The following POU5F1 variants were observed in gnomAD, a reference collection of about 807,000 sequenced individuals.
POU5F1 encodes POU domain, class 5, transcription factor 1.
A neutral mutation model predicts 38.3 loss-of-function variants in POU5F1; 6 were observed. That is an observed-to-expected ratio of 0.16 (90% confidence interval 0.09 to 0.31). The LOEUF (loss-of-function observed/expected upper bound fraction) is 0.31, where lower values mean the gene tolerates loss of function less well. POU5F1 is among the 10% of genes least tolerant of loss of function. The pLI is 1.00. For synonymous variants in POU5F1, 147 were observed against 194.9 expected, an observed-to-expected ratio of 0.75 and a Z score of 2.05; for missense variants, 286 against 462.6, an observed-to-expected ratio of 0.62 and a Z score of 3.50.
Position 31,170,662 on chromosome 6 carries a change from G to A in POU5F1, c.-42C>T. 1.3e-6 allele frequency: 2 copies of A among 1,518,556 alleles called. No homozygotes were observed. The highest frequency in any genetic ancestry group is 1.4e-5 in the African/African-American group (1 of 72,234). The allele number at this position is 1,518,556 out of a possible 1,614,324, so 94.1% of individuals were successfully genotyped here. ...CCAAGCCGGGGGCCTGGTGAAATGA[G>A]GGCTTGCGAAGGGACTACTCAACCC... On this transcript the variant is annotated 5_prime_UTR_variant, in exon 1 of 5. Coordinates refer to ENST00000259915, the MANE Select transcript of POU5F1 (RefSeq NM_002701.6).
intron 1 of POU5F1, chr6:31,166,729 T>G: frequency 8.5e-7 from 1 of 1,180,200 alleles, no homozygotes; most frequent in Non-Finnish European, 1.1e-6. Flanking sequence ...TCACCCCCAG[T>G]TTAAGGATGT....
chr6:31,170,226 T>A lies in POU5F1; in HGVS notation c.395A>T (p.Asn132Ile). 1.2e-6 allele frequency: 2 copies of A among 1,612,840 alleles called. No homozygotes were observed. Among genetic ancestry groups the A allele is most frequent in the Non-Finnish European group, 1.7e-6 (2 of 1,179,812 alleles). Residue 132 changes from asparagine to isoleucine, a missense_variant, in exon 1 of 5, where the codon AAC becomes ATC. Physicochemically the swap from Asn to Ile is moderately radical, Grantham distance 149 (BLOSUM62 -3). This residue lies in a region of POU5F1 where 176 missense variants were observed against 184.8 expected (regional missense o/e 0.95). Coordinates refer to ENST00000259915, the MANE Select transcript of POU5F1 (RefSeq NM_002701.6). ...VKLEKEKLEQ[N>I]PEESQDIKAL... is the part of the protein sequence containing the mutation. ...TCGAAGCTCACTTGCCTCCTCCGGG[T>A]TTTGCTCCAGCTTCTCCTTCTCCAG...
At chr6:31,169,457 TA>T (rs144131354) in intron 1 of POU5F1, among the ~76,000 whole-genome samples, 12,818 of 152,254 alleles carry the variant, frequency 0.084, 653 homozygotes, top group Middle Eastern at 0.16. Flanking sequence ...AGCAGCTCTA[TA>T]TTTGCAAATG....
chr6:31,169,976 C>G, intron 1 of POU5F1: 1 of 641,986 alleles, frequency 1.6e-6, no homozygotes, highest in East Asian at 2.8e-5. Flanking sequence ...TCCGACTCTC[C>G]CAGGCTGCTC....
rs1274145021 is a variant in POU5F1, at chr6:31,166,006, A to C, written c.447T>G (p.Phe149Leu). The C allele has an allele frequency of 1.2e-6, 2 of 1,614,212 alleles. No homozygotes were observed. Among genetic ancestry groups the C allele is most frequent in the East Asian group, 4.5e-5 (2 of 44,884 alleles). The change falls in exon 2 of 5, where the codon TTT (phenylalanine) becomes TTG (leucine). Residue 149 changes from phenylalanine (F) to leucine (L), a missense_variant. Physicochemically the swap from Phe to Leu is conservative, Grantham distance 22 (BLOSUM62 0). This residue lies in a region of POU5F1 where 110 missense variants were observed against 277.8 expected (regional missense o/e 0.40). Transcript: ENST00000259915. ...IKALQKELEQFAKLLKQKRIT... is the reference protein window; with the variant it reads ...IKALQKELEQLAKLLKQKRIT... The stretch of plus-strand genomic sequence containing the variant: ...TCCTCTTCTGCTTCAGGAGCTTGGC[A>C]AATTGCTCGAGTTCTTTCTGCAGAG...
At chr6:31,168,238 C>CTTTTT (rs9279006) in intron 1 of POU5F1, among the ~76,000 whole-genome samples, 3 of 123,004 alleles carry the variant, frequency 2.4e-5, no homozygotes, top group Non-Finnish European at 3.3e-5. Flanking sequence ...CTAGCCTCAC[C>CTTTTT]TTTTTTTTTT....
intron 1 of POU5F1, chr6:31,166,670 A>C: frequency 1.7e-6 from 2 of 1,166,708 alleles, no homozygotes; most frequent in Non-Finnish European, 2.1e-6. Context: ...AAGAAAAAAA[A>C]AAAAGAAGAT....
intron 1 of POU5F1, 86 bp downstream of exon 1, chr6:31,170,130 T>C: frequency 6.2e-7 from 1 of 1,605,622 alleles, no homozygotes; most frequent in Non-Finnish European, 8.5e-7. Flanking sequence ...GTGCCAGGTC[T>C]GGGCAGCTGC....
rs757494684 is a variant in POU5F1, at chr6:31,165,090, G to C, written c.816+38C>G. The C allele has an allele frequency of 1.0e-5, 16 of 1,595,074 alleles. No individual in the cohort carries two copies. Among genetic ancestry groups the C allele is most frequent in the African/African-American group, 4.0e-5 (3 of 74,348 alleles). On this transcript the variant is annotated intron_variant, in intron 4 of 4. Coordinates refer to ENST00000259915, the MANE Select transcript of POU5F1 (RefSeq NM_002701.6). This position sits in a 1 kb window ranked among gnomAD's most constrained non-coding sequence, Gnocchi z 6.5. ...CTAGGGAAAGCGAGGTGGTGACAGG[G>C]GAAAGAGATGGAGCCCGCAGAGAGA...
rs1175266459 is a variant in POU5F1 at position 31,165,115 on chromosome 6, A to T, written c.816+13T>A. Reference sequence around the variant, plus strand: ...GGAAAGAGATGGAGCCCGCAGAGAGACATGGCACTCACATCCTTCTCGAGC... The same window carrying T: ...GGAAAGAGATGGAGCCCGCAGAGAGTCATGGCACTCACATCCTTCTCGAGC... On this transcript the variant is annotated intron_variant, in intron 4 of 4. Coordinates refer to ENST00000259915, the MANE Select transcript of POU5F1 (RefSeq NM_002701.6). The surrounding 1 kb of genome is among the most constrained non-coding windows in gnomAD (Gnocchi z 6.5). 6 of 1,605,802 alleles carry T rather than the reference A, an allele frequency of 3.7e-6. No homozygotes were observed. The African/African-American group carries it at 8.0e-5, about 21-fold the overall frequency.
intron 1 of POU5F1, among the ~76,000 whole-genome samples, chr6:31,169,750 T>A (rs2151113439): frequency 6.6e-6 from 1 of 152,312 alleles, no homozygotes; most frequent in African/African-American, 2.4e-5. Flanking sequence ...GCACTGTTTT[T>A]ACCCTCAGGC....
At position 31,170,651 on chromosome 6, in the gene POU5F1, T is replaced by C. The variant is rs745711427; in HGVS notation, c.-31A>G. On this transcript the variant is annotated 5_prime_UTR_variant, in exon 1 of 5. Coordinates refer to ENST00000259915, the MANE Select transcript of POU5F1 (RefSeq NM_002701.6). The stretch of plus-strand genomic sequence containing the variant: ...AGGAAGGCGCCCCAAGCCGGGGGCC[T>C]GGTGAAATGAGGGCTTGCGAAGGGA... 25 of 1,529,918 alleles carry C rather than the reference T, an allele frequency of 1.6e-5. No homozygotes were observed. The South Asian group carries it at 2.5e-4, about 15-fold the overall frequency. 94.8% of individuals were successfully genotyped at this position (1,529,918 alleles called of 1,614,324 possible). A position where few individuals can be genotyped will look rare whatever the true frequency, so the allele number is the denominator to read the frequency against.
In POU5F1 at chr6:31,165,366, G is replaced by T; in HGVS notation, c.658-80C>A. On this transcript the variant is annotated intron_variant, in intron 3 of 4. Coordinates refer to ENST00000259915, the MANE Select transcript of POU5F1 (RefSeq NM_002701.6). The surrounding 1 kb of genome is among the most constrained non-coding windows in gnomAD (Gnocchi z 6.5). ...GCATCACAGGGGTCTGTGACTAGAT[G>T]TGTCAGCAGAGCCAGGTGGTGGTGT... The T allele has an allele frequency of 1.3e-6, 2 of 1,572,362 alleles. No homozygotes were observed. Among genetic ancestry groups the T allele is most frequent in the South Asian group, 1.1e-5 (1 of 87,014 alleles).
At position 31,164,528 on chromosome 6, in the gene POU5F1, G is replaced by A. The variant is rs2151100101; in HGVS notation, c.*73C>T. ...TGAAGAACTTAATCCCAAAAACCCT[G>A]GCACAAACTCCAGGTTTTCTTTCCC... On this transcript the variant is annotated 3_prime_UTR_variant, in exon 5 of 5. Transcript: ENST00000259915. The A allele has an allele frequency of 6.4e-7, 1 of 1,562,896 alleles. No homozygotes were observed. The highest frequency in any genetic ancestry group is 1.2e-5 in the South Asian group (1 of 85,086).
At chr6:31,169,205 C>T (rs779075904) in intron 1 of POU5F1, among the ~76,000 whole-genome samples, 7 of 152,084 alleles carry the variant, frequency 4.6e-5, no homozygotes, top group African/African-American at 7.2e-5. Flanking sequence ...GATGTATAAA[C>T]GGAGCACACA....
Position 31,165,036 on chromosome 6 carries a change from C to A in POU5F1, c.816+92G>T. On this transcript the variant is annotated intron_variant, in intron 4 of 4. Transcript: ENST00000259915. The surrounding 1 kb of genome is among the most constrained non-coding windows in gnomAD (Gnocchi z 6.5). ...GCTTGGACATTCTGTCCAAAGCCAA[C>A]AGCCCTAGAGCAGTTGGAGGAGCCA... 6.4e-7 allele frequency: 1 copy of A among 1,557,516 alleles called. No homozygotes were observed. The highest frequency in any genetic ancestry group is 1.4e-5 in the African/African-American group (1 of 73,310).
chr6:31,168,589 C>T (rs1561862085), intron 1 of POU5F1, among the ~76,000 whole-genome samples: 1 of 152,120 alleles, frequency 6.6e-6, no homozygotes, highest in Non-Finnish European at 1.5e-5. Context: ...GAAGCTACTG[C>T]GGTAATCCCA....
chr6:31,167,495 G>A (rs1051663359), intron 1 of POU5F1, among the ~76,000 whole-genome samples: 8 of 152,048 alleles, frequency 5.3e-5, no homozygotes, highest in Non-Finnish European at 1.2e-4. Context: ...ATCACTTGAG[G>A]TCAGGAGTTC....
In POU5F1 at chr6:31,166,014, C is replaced by G. The variant is rs777993058; in HGVS notation, c.439G>C (p.Glu147Gln). The G allele has an allele frequency of 5.0e-6, 8 of 1,614,066 alleles. No individual in the cohort carries two copies. In the African/African-American group the frequency reaches 6.7e-5, roughly 13 times the overall value. ...TGCTTCAGGAGCTTGGCAAATTGCT[C>G]GAGTTCTTTCTGCAGAGCTTTGATG... ...QDIKALQKEL[E>Q]QFAKLLKQKR... is the part of the protein sequence containing the mutation. The change falls in exon 2 of 5, where the codon GAG becomes CAG. Residue 147 changes from glutamate to glutamine, a missense_variant. Transcript: ENST00000259915.
Sources: gnomAD v4.1 joint callset for allele counts (sites outside exome capture counted in the v4.1 genomes callset) on GRCh38, gnomAD v4.1.1 for gene constraint, gnomAD v4.1.1 regional missense constraint, Gnocchi (gnomAD v3.1) non-coding constraint, MANE v1.5 for transcripts, NCBI Gene and HGNC (gene_info 2026-07-23, HGNC 2026-07-21) for gene names.